Variants in CTNNA2 observed in about 807,000 individuals in gnomAD.
The protein encoded by CTNNA2 is catenin alpha 2.
A neutral mutation model predicts 101.0 loss-of-function variants in CTNNA2; 42 were observed. The observed-to-expected ratio is 0.42, with a 90% CI of 0.32 to 0.54. The LOEUF is 0.54. Among genes scored for constraint, CTNNA2 ranks in the 20% least tolerant of loss-of-function variants. The pLI is 0.14. For missense variants in CTNNA2, 871 were observed against 1,223.1 expected (o/e 0.71, Z 4.29); for synonymous variants, 450 against 456.4 (o/e 0.99, Z 0.18).
intron 2 of CTNNA2, among the ~76,000 whole-genome samples, chr2:79,727,131 G>A (rs910655093): frequency 6.6e-6 from 1 of 152,144 alleles, no homozygotes; most frequent in African/African-American, 2.4e-5. Context: ...AAATTGTTTT[G>A]CACATTCTGT....
chr2:79,829,844 C>G (rs1302550006), intron 3 of CTNNA2, among the ~76,000 whole-genome samples: 2 of 151,810 alleles, frequency 1.3e-5, no homozygotes, highest in Non-Finnish European at 2.9e-5. Flanking sequence ...CTCAGCCTCC[C>G]GAGTAGCTGG....
intron 9 of CTNNA2, among the ~76,000 whole-genome samples, chr2:80,534,447 G>C (rs1690816195): frequency 6.6e-6 from 1 of 152,178 alleles, no homozygotes. Flanking sequence ...ATGACAAATT[G>C]AGTGGTCTTC....
At chr2:80,232,111 C>T (rs951114307) in intron 7 of CTNNA2, among the ~76,000 whole-genome samples, 4 of 152,132 alleles carry the variant, frequency 2.6e-5, no homozygotes, top group Non-Finnish European at 5.9e-5. Flanking sequence ...TGTAAGCCCT[C>T]ACTTCAAGTT....
At chr2:80,344,235 A>G (rs1672513620) in intron 7 of CTNNA2, among the ~76,000 whole-genome samples, 1 of 151,492 alleles carries the variant, frequency 6.6e-6, no homozygotes, top group Non-Finnish European at 1.5e-5. Flanking sequence ...TTTTCATTCC[A>G]TATTAGGTCC....
At chr2:80,636,226 C>G (rs765419930) in intron 18 of CTNNA2, among the ~76,000 whole-genome samples, 2 of 151,922 alleles carry the variant, frequency 1.3e-5, no homozygotes, top group Non-Finnish European at 2.9e-5. Context: ...TATGTAGATT[C>G]GAAACTGGGA....
chr2:79,736,795 C>G (rs1375837146), intron 2 of CTNNA2, among the ~76,000 whole-genome samples: 1 of 152,202 alleles, frequency 6.6e-6, no homozygotes, highest in Non-Finnish European at 1.5e-5. Flanking sequence ...GTACTCGTAT[C>G]TGCAAAGTGC....
chr2:80,376,676 G>A (rs1471381031), intron 7 of CTNNA2, among the ~76,000 whole-genome samples: 2 of 152,130 alleles, frequency 1.3e-5, no homozygotes, highest in African/African-American at 4.8e-5. Flanking sequence ...ACCCAGCTCT[G>A]GAGGCTGCTA....
At chr2:79,406,471 G>C (rs1287224710) in intron 4 of CTNNA2, among the ~76,000 whole-genome samples, 1 of 151,990 alleles carries the variant, frequency 6.6e-6, no homozygotes. Context: ...CCTCACTCTG[G>C]AAAGATTTAA....
chr2:79,775,204 A>C (rs987820531), intron 3 of CTNNA2, among the ~76,000 whole-genome samples: 8 of 152,220 alleles, frequency 5.3e-5, no homozygotes, highest in Non-Finnish European at 1.0e-4. Flanking sequence ...GGATCTTTTA[A>C]TATTCTATTT....
intron 7 of CTNNA2, among the ~76,000 whole-genome samples, chr2:80,206,555 G>A (rs1278952285): frequency 2.6e-5 from 4 of 152,208 alleles, no homozygotes; most frequent in Non-Finnish European, 5.9e-5. Flanking sequence ...AGTTTTGCAT[G>A]GTGAAAAGAG....
chr2:80,458,196 T>C (rs1574085419), intron 9 of CTNNA2, among the ~76,000 whole-genome samples: 1 of 152,306 alleles, frequency 6.6e-6, no homozygotes, highest in East Asian at 1.9e-4. Context: ...TTTAGAGTAA[T>C]TCTATTTAGG....
chr2:79,625,040 A>G lies in CTNNA2; in HGVS notation c.-5-26512A>G, dbSNP rs534145761. ...AGATGTGTCATGGAAGGCACACAAA[A>G]GACATAGAAACCAAGTCCAGAAGGA... On this transcript the variant is annotated intron_variant, in intron 1 of 18. Transcript: ENST00000402739. Among the ~76,000 whole-genome samples, 66 of 152,330 alleles carry G rather than the reference A, an allele frequency of 4.3e-4. 1 individual carries two copies. Among genetic ancestry groups the G allele is most frequent in the African/African-American group, 1.5e-3 (63 of 41,580 alleles).
intron 9 of CTNNA2, among the ~76,000 whole-genome samples, chr2:80,487,527 C>A (rs1414113669): frequency 2.0e-5 from 3 of 151,988 alleles, no homozygotes; most frequent in Non-Finnish European, 2.9e-5. Flanking sequence ...AGGGGAAAAG[C>A]CCCTTATAAA....
At chr2:80,630,141 G>A (rs991742468) in intron 18 of CTNNA2, among the ~76,000 whole-genome samples, 3 of 152,096 alleles carry the variant, frequency 2.0e-5, no homozygotes, top group African/African-American at 7.2e-5. Context: ...AAATCTTCCT[G>A]TCTTAGAGCT....
chr2:80,131,770 G>A (rs1048528592), intron 7 of CTNNA2, among the ~76,000 whole-genome samples: 1 of 152,008 alleles, frequency 6.6e-6, no homozygotes, highest in African/African-American at 2.4e-5. Flanking sequence ...CTTCTAACAG[G>A]TGTCTTGTGT....
At chr2:79,339,527 C>A (rs528712324) in intron 3 of CTNNA2, 1 of 152,260 alleles carries the variant, frequency 6.6e-6, no homozygotes, top group African/African-American at 2.4e-5. Flanking sequence ...TGGTTCTTTG[C>A]AGTTTTCAAA....
At chr2:80,383,378 T>C (rs1222060525) in intron 7 of CTNNA2, among the ~76,000 whole-genome samples, 1 of 152,166 alleles carries the variant, frequency 6.6e-6, no homozygotes, top group Non-Finnish European at 1.5e-5. Flanking sequence ...TAAACAAGCA[T>C]TTCCTGACCA....
chr2:80,280,721 A>G (rs1412617862), intron 7 of CTNNA2, among the ~76,000 whole-genome samples: 1 of 152,100 alleles, frequency 6.6e-6, no homozygotes, highest in Non-Finnish European at 1.5e-5. Context: ...TTTAAATTGT[A>G]TGCTATTCTG....
At chr2:80,027,596 A>C (rs1695013415) in intron 7 of CTNNA2, among the ~76,000 whole-genome samples, 1 of 152,112 alleles carries the variant, frequency 6.6e-6, no homozygotes, top group African/African-American at 2.4e-5. Flanking sequence ...CTTGGTTAGC[A>C]CTGGAAGTGA....
Sources: gnomAD v4.1 joint callset for allele counts (sites outside exome capture counted in the v4.1 genomes callset) on GRCh38, gnomAD v4.1.1 for gene constraint, MANE v1.5 for transcripts, NCBI Gene and HGNC (gene_info 2026-07-23, HGNC 2026-07-21) for gene names.